The following SHPRH variants were observed in gnomAD, a reference collection of about 807,000 sequenced individuals.
The protein encoded by SHPRH is SNF2 histone linker PHD RING helicase, also known as E3 ubiquitin-protein ligase SHPRH.
In SHPRH, 106 loss-of-function variants were observed where a neutral mutation model predicts 202.5. The ratio of observed to expected loss-of-function variants is 0.52; its 90% CI spans 0.45 to 0.62. The LOEUF (loss-of-function observed/expected upper bound fraction) is 0.62, where lower values mean the gene tolerates loss of function less well. SHPRH is among the 20% of genes least tolerant of loss of function. The probability of loss-of-function intolerance (pLI) is 0.00; values close to 1 mark genes in which losing one functional copy is unlikely to be tolerated. For synonymous variants in SHPRH, 729 were observed against 686.0 expected, an observed-to-expected ratio of 1.06 and a Z score of -0.98; for missense variants, 1,710 against 2,020.0, an observed-to-expected ratio of 0.85 and a Z score of 2.94.
chr6:145,910,663 G>C (rs760851572), intron 24 of SHPRH, 27 bp from the exon 25 acceptor site: 1 of 1,525,234 alleles, frequency 6.6e-7, no homozygotes, highest in Admixed American at 1.9e-5. Flanking sequence ...ACAAGCCTTA[G>C]TGCTATCAAA....
chr6:145,867,627 T>TAGAGAGAGAG (rs1296301891), intron 2 of SHPRH, among the ~76,000 whole-genome samples: 69 of 53,776 alleles, frequency 1.3e-3, no homozygotes, highest in Non-Finnish European at 1.9e-3. Flanking sequence ...TATATATATA[T>TAGAGAGAGAG]ATATAGAGAG....
chr6:145,950,403 T>C lies in SHPRH; in HGVS notation c.843A>G (p.Lys281=). ...QDIDELYHFV[K]QTHQQETQSI... is the part of the protein sequence containing the mutation. ...ACTGCGTTTCTTGCTGATGTGTTTG[T>C]TTCACAAAGTGATACAGCTCGTCAA... The change falls in exon 4 of 30, where the codon AAA becomes AAG. Residue 281 remains lysine, a synonymous_variant. Coordinates refer to ENST00000275233, the MANE Select transcript of SHPRH (RefSeq NM_001042683.3). 6.2e-7 allele frequency: 1 copy of C among 1,613,298 alleles called. No homozygotes were observed. The highest frequency in any genetic ancestry group is 2.2e-5 in the East Asian group (1 of 44,864).
rs74491727 is a variant in SHPRH, at chr6:145,902,700, G to A, written c.4516-7723C>T. Among the ~76,000 whole-genome samples the A allele has an allele frequency of 4.2e-3, 637 of 152,172 alleles. 18 individuals carry two copies. In the East Asian group the frequency reaches 0.071, roughly 17 times the overall value. ...GAGTATTGGTGTAGAAAGATACACT[G>A]TAGCTTGGCTTTACTCTAGACTATT... On this transcript the variant is annotated intron_variant, in intron 25 of 29. Coordinates refer to ENST00000275233, the MANE Select transcript of SHPRH (RefSeq NM_001042683.3).
At chr6:145,910,274 A>T in intron 25 of SHPRH, 174 bp downstream of exon 25, 1 of 638,258 alleles carries the variant, frequency 1.6e-6, no homozygotes, top group South Asian at 2.4e-5. Flanking sequence ...TTCCTCCTAC[A>T]ATTAAAAATT....
At chr6:145,947,462 T>A (rs573011609) in intron 6 of SHPRH, 31 bp downstream of exon 6, 36 of 1,604,444 alleles carry the variant, frequency 2.2e-5, no homozygotes, top group Middle Eastern at 1.7e-4. Context: ...ATATGTCCCC[T>A]GCTTTTGCAA....
chr6:145,894,847 G>GT (rs759868529), intron 26 of SHPRH, 38 bp downstream of exon 26: 8 of 1,588,630 alleles, frequency 5.0e-6, no homozygotes, highest in Non-Finnish European at 5.2e-6. Context: ...GGGAAAATCA[G>GT]TTCGAATTAA....
chr6:145,923,245 G>A (rs72999960), intron 18 of SHPRH, among the ~76,000 whole-genome samples: 1,972 of 151,612 alleles, frequency 0.013, 41 homozygotes, highest in Admixed American at 0.056. Flanking sequence ...GAAGAAAAAT[G>A]GCTAAGAGTT....
At chr6:145,864,932 AACAC>A (rs535717920) in intron 2 of SHPRH, among the ~76,000 whole-genome samples, 2 of 133,856 alleles carry the variant, frequency 1.5e-5, no homozygotes, top group African/African-American at 5.4e-5. Flanking sequence ...AAAATTTATA[AACAC>A]ACACACTCAC....
At chr6:145,940,375 C>T (rs1367513657) in intron 11 of SHPRH, among the ~76,000 whole-genome samples, 5 of 146,848 alleles carry the variant, frequency 3.4e-5, no homozygotes, top group African/African-American at 1.3e-4. Context: ...TCCCCACCCC[C>T]CCCACCCTTT....
At chr6:145,867,599 AATATATATATATATATAT>A (rs374395571) in intron 2 of SHPRH, among the ~76,000 whole-genome samples, 3 of 21,592 alleles carry the variant, frequency 1.4e-4, no homozygotes, top group African/African-American at 1.8e-4. Context: ...TTCAAAAAAG[AATATATATATATATATAT>A]ATATATATAT....
At chr6:145,952,545 G>C (rs545042151) in intron 2 of SHPRH, 67 bp from the exon 3 acceptor site, 1 of 1,453,016 alleles carries the variant, frequency 6.9e-7, no homozygotes, top group South Asian at 1.5e-5. Flanking sequence ...GAGGACATAA[G>C]CAAGAAAAAA....
At position 145,876,480 on chromosome 6, in the gene SHPRH, C is replaced by T. The variant is rs527768042; in HGVS notation, c.221+11540G>A. 3.3e-5 allele frequency among the ~76,000 whole-genome samples: 5 copies of T among 152,226 alleles called. No individual in the cohort carries two copies. The South Asian group carries it at 1.0e-3, about 32-fold the overall frequency. On this transcript the variant is annotated intron_variant, in intron 2 of 2. Transcript: ENST00000417762. ...TTAGCATAATGTTTTTAAGGTTCAT[C>T]CATGTTGTAGCATGTATAAGTATTT...
At chr6:145,960,065 G>T (rs1185531898) in intron 1 of SHPRH, among the ~76,000 whole-genome samples, 1 of 152,138 alleles carries the variant, frequency 6.6e-6, no homozygotes, top group Non-Finnish European at 1.5e-5. Context: ...CCTTGATATA[G>T]CAATCATTTA....
At chr6:145,922,072 A>G (rs1784474044) in intron 20 of SHPRH, among the ~76,000 whole-genome samples, 1 of 152,028 alleles carries the variant, frequency 6.6e-6, no homozygotes, top group Admixed American at 6.6e-5. Context: ...AATTAATTAT[A>G]TATTACTACA....
At chr6:145,934,163 G>C (rs922540871) in intron 13 of SHPRH, among the ~76,000 whole-genome samples, 2 of 151,814 alleles carry the variant, frequency 1.3e-5, no homozygotes, top group Middle Eastern at 3.2e-3. Context: ...ACATAGCGAG[G>C]CCCTGTCTCT....
chr6:145,945,808 T>G (rs915551098), intron 7 of SHPRH, among the ~76,000 whole-genome samples, 171 bp from the exon 8 acceptor site: 1 of 152,136 alleles, frequency 6.6e-6, no homozygotes, highest in African/African-American at 2.4e-5. Context: ...TATCTCAGCA[T>G]ATTAAGAAAC....
chr6:145,886,558 G>C lies in SHPRH; in HGVS notation c.*133C>G, dbSNP rs1781026877. The stretch of plus-strand genomic sequence containing the variant: ...TAAGTACTAAGCCACTGTATAACCA[G>C]AACAATAAACAAATTCATTCAACTA... On this transcript the variant is annotated 3_prime_UTR_variant, in exon 30 of 30. Coordinates refer to ENST00000275233, the MANE Select transcript of SHPRH (RefSeq NM_001042683.3). The C allele has an allele frequency of 2.0e-6, 3 of 1,472,162 alleles. No individual in the cohort carries two copies. In the South Asian group the frequency reaches 4.1e-5, roughly 20 times the overall value. 91.2% of individuals were successfully genotyped at this position (1,472,162 alleles called of 1,614,324 possible).
At chr6:145,879,910 CAAAAAAAAAAA>C (rs67055862), downstream of SHPRH, among the ~76,000 whole-genome samples, 4 of 61,102 alleles carry the variant, frequency 6.5e-5, no homozygotes, top group Admixed American at 2.2e-4. Context: ...AACTCAATCT[CAAAAAAAAAAA>C]AAAAAAAAAA....
At chr6:145,940,371 C>T (rs1363790515) in intron 11 of SHPRH, among the ~76,000 whole-genome samples, 1 of 128,402 alleles carries the variant, frequency 7.8e-6, no homozygotes, top group Non-Finnish European at 1.6e-5. Context: ...CCTCTCCCCA[C>T]CCCCCCCACC....
Sources: allele counts gnomAD v4.1 joint callset (sites outside exome capture counted in the v4.1 genomes callset), GRCh38; gene constraint gnomAD v4.1.1; transcripts MANE v1.5; gene names NCBI Gene and HGNC (gene_info 2026-07-23, HGNC 2026-07-21).